Variants in UVSSA observed in about 807,000 individuals in gnomAD.
UVSSA encodes the protein UV stimulated scaffold protein A.
Under a neutral mutation model 73.9 loss-of-function variants are expected in UVSSA, and 72 were observed. That is an observed-to-expected ratio of 0.97 (90% CI 0.81 to 1.19). The LOEUF is 1.19. Among genes scored for constraint, UVSSA ranks in the 50% most tolerant of loss-of-function variants. UVSSA has a pLI of 0.00. For synonymous variants in UVSSA, 454 were observed against 391.3 expected (o/e 1.16, Z -1.89); for missense variants, 1,150 against 965.0 (o/e 1.19, Z -2.54).
chr4:1,395,760 G>A (rs370690293), exon 14 of UVSSA: 5 of 1,614,062 alleles, frequency 3.1e-6, no homozygotes, highest in African/African-American at 1.3e-5. Flanking sequence ...CGAGTCAGAC[G>A]CTGTTACCGT....
At chr4:1,390,197 G>C (rs1301895093), downstream of UVSSA, 1 of 152,070 alleles carries the variant, frequency 6.6e-6, no homozygotes, top group African/African-American at 2.4e-5. Context: ...AGTATATTCT[G>C]ATTTTTCTGG....
Position 1,366,683 on chromosome 4 carries a change from G to A in UVSSA, c.1288+252G>A, listed in dbSNP as rs970008345. Among the ~76,000 whole-genome samples the A allele has an allele frequency of 7.9e-5, 12 of 152,310 alleles. No homozygotes were observed. The East Asian group carries it at 2.1e-3, about 27-fold the overall frequency. On this transcript the variant is annotated intron_variant, in intron 8 of 13. Coordinates refer to ENST00000389851, the MANE Select transcript of UVSSA (RefSeq NM_020894.4). ...TGGGGCCCTCCCTGCAGCCTGCCCC[G>A]CGGTGGGCTTCCTCTCTGGTGGTCC...
chr4:1,394,329 TAG>T, exon 14 of UVSSA: 1 of 1,098,884 alleles, frequency 9.1e-7, no homozygotes, highest in Non-Finnish European at 1.3e-6. Flanking sequence ...GTGTTCTACT[TAG>T]AATGCTCTTC....
intron 7 of UVSSA, among the ~76,000 whole-genome samples, chr4:1,361,046 A>AC (rs1382284416): frequency 6.6e-6 from 1 of 152,098 alleles, no homozygotes. Context: ...AGCAACACAG[A>AC]CCCAGGACCC....
At chr4:1,376,237 C>T (rs898501816) in intron 10 of UVSSA, 69 bp downstream of exon 10, 35 of 1,506,168 alleles carry the variant, frequency 2.3e-5, no homozygotes, top group East Asian at 1.2e-4. Context: ...AGGGGGCTGC[C>T]GGCTCACCAG....
chr4:1,361,448 A>G (rs1278958790), intron 7 of UVSSA, among the ~76,000 whole-genome samples: 1 of 152,216 alleles, frequency 6.6e-6, no homozygotes, highest in Non-Finnish European at 1.5e-5. Flanking sequence ...GAAAGCAACG[A>G]CTTGCTTCAG....
exon 14 of UVSSA, chr4:1,395,345 G>A: frequency 1.3e-6 from 2 of 1,546,158 alleles, no homozygotes; most frequent in South Asian, 2.4e-5. Flanking sequence ...GATGTGGGGT[G>A]CCCGCCTGCT....
At position 1,395,678 on chromosome 4, in the gene UVSSA, C is replaced by T. The variant is rs747696999; in HGVS notation, c.*9717C>T. 11 of 1,612,476 alleles carry T rather than the reference C, an allele frequency of 6.8e-6. No homozygotes were observed. In the Admixed American group the frequency reaches 8.4e-5, roughly 12 times the overall value. On this transcript the variant is annotated 3_prime_UTR_variant, in exon 14 of 14. Coordinates refer to the UVSSA transcript ENST00000511216. ...GAGTGCCTGCCTGCTCACACACGTG[C>T]CCATGTGGAGTGCCCGCCTGCTCAC...
At position 1,380,917 on chromosome 4, in the gene UVSSA, A is replaced by G. The variant is rs1719415986; in HGVS notation, c.1790A>G (p.Glu597Gly). ...FHGKIVPRDD[E>G]GRPLDPEDRA... ...GGGAAGATTGTTCCACGGGACGACG[A>G]AGGACGGCCGCTCGACCCGGAAGAC... is the stretch of plus-strand genomic sequence containing the variant. The change falls in exon 12 of 14, where the codon GAA becomes GGA. Residue 597 changes from glutamate to glycine, a missense_variant. Coordinates refer to ENST00000389851, the MANE Select transcript of UVSSA (RefSeq NM_020894.4). 2 of 1,613,046 alleles carry G rather than the reference A, an allele frequency of 1.2e-6. No homozygotes were observed. Among genetic ancestry groups the G allele is most frequent in the Admixed American group, 1.7e-5 (1 of 60,012 alleles).
intron 10 of UVSSA, among the ~76,000 whole-genome samples, chr4:1,377,819 A>G (rs1337786330): frequency 6.6e-6 from 1 of 152,214 alleles, no homozygotes; most frequent in Admixed American, 6.5e-5. Flanking sequence ...TCACGGCTTC[A>G]TGTTTCCCCC....
At chr4:1,388,471 G>A (rs1308222129), downstream of UVSSA, 1 of 152,172 alleles carries the variant, frequency 6.6e-6, no homozygotes, top group Non-Finnish European at 1.5e-5. Context: ...TTACCTAATT[G>A]CTCTGGCTAG....
At chr4:1,367,700 G>A (rs538232434) in intron 8 of UVSSA, among the ~76,000 whole-genome samples, 5 of 152,090 alleles carry the variant, frequency 3.3e-5, no homozygotes, top group East Asian at 3.9e-4. Flanking sequence ...GGCCCATTCC[G>A]GACCAGGGTC....
At chr4:1,372,287 C>T (rs780799033) in intron 8 of UVSSA, among the ~76,000 whole-genome samples, 2 of 152,270 alleles carry the variant, frequency 1.3e-5, no homozygotes, top group East Asian at 1.9e-4. Context: ...GTTTAGTTAA[C>T]GGTTGTTACG....
At chr4:1,369,467 C>T (rs1560463799) in intron 8 of UVSSA, among the ~76,000 whole-genome samples, 1 of 152,252 alleles carries the variant, frequency 6.6e-6, no homozygotes, top group African/African-American at 2.4e-5. Flanking sequence ...TTCAATTAAA[C>T]GTGGGCGAAT....
chr4:1,359,998 AC>A lies in UVSSA; in HGVS notation c.1176+4756del, dbSNP rs1277982030. On this transcript the variant is annotated intron_variant, in intron 7 of 13. Transcript: ENST00000389851. ...GAGGTGAAAGGGACAGAAACTGAAAACCCAGGAATGAAACGTGGACCCACCA... is the reference window on the plus strand; with the variant it reads ...GAGGTGAAAGGGACAGAAACTGAAAACCAGGAATGAAACGTGGACCCACCA... 3.9e-5 allele frequency among the ~76,000 whole-genome samples: 6 copies of A among 152,204 alleles called. No homozygotes were observed. The South Asian group carries it at 1.2e-3, about 32-fold the overall frequency.
chr4:1,375,641 C>A, intron 9 of UVSSA, 133 bp downstream of exon 9: 1 of 1,396,740 alleles, frequency 7.2e-7, no homozygotes, highest in Non-Finnish European at 9.5e-7. Flanking sequence ...GGGTGTGTAC[C>A]CCCGGCCGGG....
upstream of UVSSA, among the ~76,000 whole-genome samples, chr4:1,346,770 C>G (rs558044633): frequency 2.8e-4 from 43 of 152,204 alleles, no homozygotes; most frequent in East Asian, 1.8e-3. Context: ...GGCGTTGAGG[C>G]CCAGACCGGA....
chr4:1,372,806 CCGCG>C, intron 8 of UVSSA, among the ~76,000 whole-genome samples: 1 of 75,652 alleles, frequency 1.3e-5, no homozygotes, highest in Non-Finnish European at 2.8e-5. Flanking sequence ...CACTCACCTC[CCGCG>C]TCTCAGGGCA....
Position 1,348,143 on chromosome 4 carries a change from C to A in UVSSA, c.52C>A (p.Pro18Thr). 6.2e-7 allele frequency: 1 copy of A among 1,613,852 alleles called. No homozygotes were observed. Among genetic ancestry groups the A allele is most frequent in the South Asian group, 1.1e-5 (1 of 91,078 alleles). Residue 18 changes from proline to threonine, a missense_variant, in exon 2 of 14, where the codon CCC becomes ACC. Pro to Thr is a conservative substitution (Grantham distance 38). Coordinates refer to ENST00000389851, the MANE Select transcript of UVSSA (RefSeq NM_020894.4). ...AGAAGAGCTCACAACTTCAGGAGAA[C>A]CCCGACTAAATCCTGAGAAAATGAA... Reference protein sequence around the residue: ...LVEELTTSGEPRLNPEKMKEL... With the variant: ...LVEELTTSGETRLNPEKMKEL...
Sources: allele counts gnomAD v4.1 joint callset (sites outside exome capture counted in the v4.1 genomes callset), GRCh38; gene constraint gnomAD v4.1.1; transcripts MANE v1.5; gene names NCBI Gene and HGNC (gene_info 2026-07-23, HGNC 2026-07-21).